TMEM163: variants seen among roughly 807,000 people sequenced by gnomAD.
The protein encoded by TMEM163 is transmembrane protein 163.
Under a neutral mutation model 29.3 loss-of-function variants are expected in TMEM163, and 17 were observed. The observed-to-expected ratio is 0.58, with a 90% confidence interval of 0.40 to 0.87. TMEM163 has a LOEUF of 0.87. TMEM163 is among the 40% of genes least tolerant of loss of function. The pLI, the probability that TMEM163 is intolerant of heterozygous loss-of-function variation, is 0.00. For synonymous variants in TMEM163, 157 were observed against 160.6 expected, an observed-to-expected ratio of 0.98 and a Z score of 0.17; for missense variants, 303 against 381.5, an observed-to-expected ratio of 0.79 and a Z score of 1.71.
chr2:134,681,663 A>G (rs1684251763), intron 2 of TMEM163, among the ~76,000 whole-genome samples: 1 of 152,152 alleles, frequency 6.6e-6, no homozygotes, highest in African/African-American at 2.4e-5. Context: ...CACCTCCAGG[A>G]GACAGTATAC....
chr2:134,704,646 C>T (rs536238252), intron 2 of TMEM163, among the ~76,000 whole-genome samples: 14 of 152,264 alleles, frequency 9.2e-5, no homozygotes, highest in Admixed American at 3.3e-4. Context: ...TATCGACCTA[C>T]GAAAATTCCA....
chr2:134,585,171 T>C (rs956674858), intron 2 of TMEM163, among the ~76,000 whole-genome samples: 1 of 152,206 alleles, frequency 6.6e-6, no homozygotes, highest in African/African-American at 2.4e-5. Flanking sequence ...CCTCGTCCTC[T>C]TTTTTCTTTT....
At chr2:134,462,245 CTCCTTCACCCTA>C (rs1686559746) in intron 6 of TMEM163, among the ~76,000 whole-genome samples, 1 of 152,090 alleles carries the variant, frequency 6.6e-6, no homozygotes, top group Non-Finnish European at 1.5e-5. Context: ...CCCATACCCT[CTCCTTCACCCTA>C]TCCGAGCTGC....
At chr2:134,689,309 T>A (rs1420070046) in intron 2 of TMEM163, among the ~76,000 whole-genome samples, 1 of 152,128 alleles carries the variant, frequency 6.6e-6, no homozygotes, top group African/African-American at 2.4e-5. Flanking sequence ...GGTTTCACCA[T>A]GTTGGTCAGG....
At chr2:134,546,136 A>T (rs146153177) in intron 4 of TMEM163, among the ~76,000 whole-genome samples, 1 of 152,210 alleles carries the variant, frequency 6.6e-6, no homozygotes, top group Non-Finnish European at 1.5e-5. Flanking sequence ...CAACTATATA[A>T]AACAGTATAG....
chr2:134,568,628 GA>G, intron 2 of TMEM163, among the ~76,000 whole-genome samples: 1 of 116,202 alleles, frequency 8.6e-6, no homozygotes, highest in Non-Finnish European at 1.9e-5. Flanking sequence ...AAAGAAAAAA[GA>G]AAGAAGAAAA....
chr2:134,564,880 T>C (rs889292341), intron 2 of TMEM163, among the ~76,000 whole-genome samples: 3 of 152,234 alleles, frequency 2.0e-5, no homozygotes, highest in African/African-American at 7.2e-5. Flanking sequence ...AACTGAACTC[T>C]TGAACTGCTG....
At chr2:134,694,548 T>C (rs925255568) in intron 2 of TMEM163, among the ~76,000 whole-genome samples, 1 of 152,224 alleles carries the variant, frequency 6.6e-6, no homozygotes, top group Non-Finnish European at 1.5e-5. Flanking sequence ...AAAATGGCCA[T>C]CTTTTGTAAT....
At chr2:134,496,309 G>A (rs967206114) in intron 5 of TMEM163, among the ~76,000 whole-genome samples, 3 of 152,060 alleles carry the variant, frequency 2.0e-5, no homozygotes, top group East Asian at 1.9e-4. Context: ...TGATCTGCCC[G>A]CCTCGGCCTC....
intron 2 of TMEM163, among the ~76,000 whole-genome samples, chr2:134,587,180 T>C (rs1441759224): frequency 1.3e-5 from 2 of 151,896 alleles, no homozygotes; most frequent in African/African-American, 2.4e-5. Flanking sequence ...GGAGGCCGAG[T>C]TGGGAGGATC....
intron 2 of TMEM163, among the ~76,000 whole-genome samples, chr2:134,612,191 CT>C (rs1467087877): frequency 6.6e-6 from 1 of 152,206 alleles, no homozygotes; most frequent in Non-Finnish European, 1.5e-5. Context: ...CTTTATTTGA[CT>C]GGGCTTAGAG....
chr2:134,457,946 G>A, intron 7 of TMEM163, 86 bp downstream of exon 7: 1 of 1,587,264 alleles, frequency 6.3e-7, no homozygotes, highest in Admixed American at 1.7e-5. Context: ...ACCTTCAGAA[G>A]CCTGTCATTT....
chr2:134,498,354 CTTT>C (rs765734718), intron 5 of TMEM163, among the ~76,000 whole-genome samples: 2,651 of 115,378 alleles, frequency 0.023, 56 homozygotes, highest in East Asian at 0.17. Context: ...TGCATGTGGG[CTTT>C]TTTTTTTTTT....
chr2:134,488,939 T>A (rs375949776), intron 5 of TMEM163, among the ~76,000 whole-genome samples: 19 of 152,260 alleles, frequency 1.2e-4, no homozygotes, highest in African/African-American at 4.6e-4. Flanking sequence ...CACCCATTAG[T>A]CTGGAAAATT....
At chr2:134,524,827 C>CAT (rs1451487525) in intron 4 of TMEM163, among the ~76,000 whole-genome samples, 1 of 150,456 alleles carries the variant, frequency 6.6e-6, no homozygotes, top group African/African-American at 2.4e-5. Flanking sequence ...CTGCAATGAA[C>CAT]ATATACATGC....
chr2:134,528,569 TG>T (rs1177847661), intron 4 of TMEM163, among the ~76,000 whole-genome samples: 2 of 152,200 alleles, frequency 1.3e-5, no homozygotes, highest in Non-Finnish European at 2.9e-5. Context: ...TGGAAAATCT[TG>T]ATCAGCCAAA....
chr2:134,689,726 T>C (rs1489191424), intron 2 of TMEM163, among the ~76,000 whole-genome samples: 2 of 152,332 alleles, frequency 1.3e-5, no homozygotes, highest in East Asian at 3.9e-4. Flanking sequence ...GAAAAACTAA[T>C]AGCTTGTGCT....
chr2:134,478,854 G>A (rs1300675656), intron 5 of TMEM163, among the ~76,000 whole-genome samples: 3 of 152,144 alleles, frequency 2.0e-5, no homozygotes, highest in South Asian at 2.1e-4. Flanking sequence ...CCCTCTCATC[G>A]CAGCCCCAGA....
At chr2:134,464,321 T>C (rs886819627) in intron 6 of TMEM163, among the ~76,000 whole-genome samples, 2 of 152,064 alleles carry the variant, frequency 1.3e-5, no homozygotes, top group Non-Finnish European at 2.9e-5. Context: ...GTGCACCACA[T>C]AGTCTTGGGG....
Sources: gnomAD v4.1 joint callset for allele counts (sites outside exome capture counted in the v4.1 genomes callset) on GRCh38, gnomAD v4.1.1 for gene constraint, MANE v1.5 for transcripts, NCBI Gene and HGNC (gene_info 2026-07-23, HGNC 2026-07-21) for gene names.